Variants in GLIS3 observed in about 807,000 individuals in gnomAD.
GLIS3 encodes GLIS family zinc finger 3.
Under a neutral mutation model 78.6 loss-of-function variants are expected in GLIS3, and 53 were observed. The observed-to-expected ratio is 0.67, with a 90% CI of 0.54 to 0.85. The LOEUF is 0.85. Among genes scored for constraint, GLIS3 ranks in the 40% least tolerant of loss-of-function variants. The pLI is 0.00. For missense variants in GLIS3, 1,703 were observed against 1,231.1 expected (o/e 1.38, Z -5.74); for synonymous variants, 684 against 509.9 (o/e 1.34, Z -4.60).
intron 4 of GLIS3, among the ~76,000 whole-genome samples, chr9:4,000,528 G>T (rs2129908072): frequency 6.6e-6 from 1 of 152,118 alleles, no homozygotes; most frequent in Non-Finnish European, 1.5e-5. Context: ...ACTCTGGTAG[G>T]TAAAATACAT....
chr9:4,280,437 T>C (rs1827440839), intron 2 of GLIS3, among the ~76,000 whole-genome samples: 1 of 152,208 alleles, frequency 6.6e-6, no homozygotes, highest in Non-Finnish European at 1.5e-5. Flanking sequence ...GCTTAGGAAT[T>C]TGGAGGTCAC....
At chr9:3,922,727 T>C (rs1271010335) in intron 6 of GLIS3, among the ~76,000 whole-genome samples, 1 of 152,046 alleles carries the variant, frequency 6.6e-6, no homozygotes, top group Non-Finnish European at 1.5e-5. Flanking sequence ...TAAAGGTGAT[T>C]ATAAAAGTAT....
intron 2 of GLIS3, among the ~76,000 whole-genome samples, chr9:4,191,364 G>C (rs1818319772): frequency 6.6e-6 from 1 of 152,120 alleles, no homozygotes; most frequent in Non-Finnish European, 1.5e-5. Flanking sequence ...TAAGATTCCA[G>C]TTTCATAAAA....
the GLIS3 span, among the ~76,000 whole-genome samples, chr9:4,356,977 TCTTA>T: frequency 1.3e-5 from 2 of 152,338 alleles, no homozygotes; most frequent in Admixed American, 6.5e-5. Flanking sequence ...TGGTACGAAA[TCTTA>T]CTGTTTCCAA....
chr9:4,090,776 G>A (rs896139121), intron 4 of GLIS3, among the ~76,000 whole-genome samples: 46 of 152,180 alleles, frequency 3.0e-4, no homozygotes, highest in African/African-American at 1.1e-3. Flanking sequence ...GGTAAACATA[G>A]CACAAAACAC....
At chr9:3,834,293 G>A (rs1233020782) in intron 9 of GLIS3, among the ~76,000 whole-genome samples, 1 of 152,134 alleles carries the variant, frequency 6.6e-6, no homozygotes, top group Non-Finnish European at 1.5e-5. Flanking sequence ...GGTTAGAGGA[G>A]AAAGGAATTA....
the GLIS3 span, among the ~76,000 whole-genome samples, chr9:4,402,004 T>C: frequency 1.5e-4 from 23 of 152,268 alleles, no homozygotes; most frequent in South Asian, 4.1e-4. Context: ...CCAAGGTTTT[T>C]TGCTCCAATC....
chr9:4,042,107 C>A (rs1289896945), intron 4 of GLIS3, among the ~76,000 whole-genome samples: 1 of 152,118 alleles, frequency 6.6e-6, no homozygotes, highest in African/African-American at 2.4e-5. Context: ...GCACGTTAAT[C>A]ATTTCAAAAG....
chr9:4,376,293 G>C, the GLIS3 span, among the ~76,000 whole-genome samples: 1 of 152,146 alleles, frequency 6.6e-6, no homozygotes, highest in Non-Finnish European at 1.5e-5. Flanking sequence ...ATCTTTTCAG[G>C]TGTCAAGAAT....
intron 6 of GLIS3, among the ~76,000 whole-genome samples, chr9:3,910,831 A>ACTGCTTGACACTT (rs1161726646): frequency 6.6e-6 from 1 of 152,212 alleles, no homozygotes; most frequent in East Asian, 1.9e-4. Context: ...AGCATCTAAC[A>ACTGCTTGACACTT]CTGCTTGACA....
chr9:4,339,461 A>ACTGCCAAT (rs1318899546), intron 2 of GLIS3, among the ~76,000 whole-genome samples: 1 of 152,018 alleles, frequency 6.6e-6, no homozygotes, highest in African/African-American at 2.4e-5. Context: ...AGACGTTCAA[A>ACTGCCAAT]CTGCCAATCT....
chr9:4,328,604 T>C (rs1040174257), intron 2 of GLIS3, among the ~76,000 whole-genome samples: 1 of 152,192 alleles, frequency 6.6e-6, no homozygotes, highest in Non-Finnish European at 1.5e-5. Flanking sequence ...CTGAACCAAA[T>C]CATGATTATG....
intron 2 of GLIS3, among the ~76,000 whole-genome samples, chr9:4,151,704 G>C (rs1336840007): frequency 6.6e-6 from 1 of 152,114 alleles, no homozygotes; most frequent in African/African-American, 2.4e-5. Flanking sequence ...CTGCCTTCAG[G>C]AGTCCTAAAC....
the GLIS3 span, among the ~76,000 whole-genome samples, chr9:4,415,627 A>C: frequency 1.3e-5 from 2 of 152,208 alleles, no homozygotes; most frequent in African/African-American, 4.8e-5. Context: ...CATATTTTGT[A>C]ATCTTTCTGC....
intron 2 of GLIS3, among the ~76,000 whole-genome samples, chr9:4,140,232 G>A (rs1039798376): frequency 1.3e-4 from 20 of 152,160 alleles, no homozygotes; most frequent in Non-Finnish European, 2.5e-4. Context: ...GCTAAGGTGG[G>A]AAAATTGCTT....
At chr9:4,364,622 C>A in the GLIS3 span, among the ~76,000 whole-genome samples, 1 of 151,302 alleles carries the variant, frequency 6.6e-6, no homozygotes, top group Non-Finnish European at 1.5e-5. Context: ...CATTATGTTC[C>A]AAAATGTTAA....
chr9:4,329,075 C>G lies in GLIS3; in HGVS notation n.264+18006G>C, dbSNP rs913397224. ...TGCTTGCCAGGCTATCGTTTTAACA[C>G]TTAGAGAAATAGCCTAGACCTTTTT... On this transcript the variant is annotated intron_variant and non_coding_transcript_variant, in intron 2 of 4. Coordinates refer to the GLIS3 transcript ENST00000471664. Among the ~76,000 whole-genome samples, 9 of 152,294 alleles carry G rather than the reference C, an allele frequency of 5.9e-5. 1 individual carries two copies. The highest frequency in any genetic ancestry group is 3.4e-3 in the Middle Eastern group (1 of 294).
chr9:3,999,784 G>T (rs1256086860), intron 4 of GLIS3, among the ~76,000 whole-genome samples: 1 of 152,028 alleles, frequency 6.6e-6, no homozygotes, highest in Non-Finnish European at 1.5e-5. Flanking sequence ...GAATATGGAA[G>T]AATTAACAGC....
intron 4 of GLIS3, among the ~76,000 whole-genome samples, chr9:3,995,965 A>C (rs1407395662): frequency 2.6e-5 from 4 of 152,176 alleles, no homozygotes; most frequent in Non-Finnish European, 5.9e-5. Context: ...GAATCTTAAT[A>C]AATTCTAAGC....
Sources: gnomAD v4.1 joint callset for allele counts (sites outside exome capture counted in the v4.1 genomes callset) on GRCh38, gnomAD v4.1.1 for gene constraint, MANE v1.5 for transcripts, NCBI Gene and HGNC (gene_info 2026-07-23, HGNC 2026-07-21) for gene names.